The following ARFIP1 variants were observed in gnomAD, a reference collection of about 807,000 sequenced individuals.
ARFIP1 encodes arfaptin-1.
In ARFIP1, 24 loss-of-function variants were observed where a neutral mutation model predicts 42.5. The ratio of observed to expected loss-of-function variants is 0.57; its 90% confidence interval spans 0.41 to 0.80. ARFIP1 has a LOEUF of 0.80. ARFIP1 is among the 30% of genes least tolerant of loss of function. The pLI is 0.00. For synonymous variants in ARFIP1, 141 were observed against 153.7 expected, an observed-to-expected ratio of 0.92 and a Z score of 0.61; for missense variants, 354 against 434.0, an observed-to-expected ratio of 0.82 and a Z score of 1.64.
intron 1 of ARFIP1, among the ~76,000 whole-genome samples, chr4:152,798,402 T>C (rs1407300788): frequency 6.6e-6 from 1 of 152,216 alleles, no homozygotes. Flanking sequence ...GTTGAGAAAT[T>C]ACGTCCTAAT....
At chr4:152,811,909 A>G (rs1729498604) in intron 1 of ARFIP1, among the ~76,000 whole-genome samples, 1 of 152,110 alleles carries the variant, frequency 6.6e-6, no homozygotes, top group African/African-American at 2.4e-5. Flanking sequence ...TTAGTAAATG[A>G]TGTTCCCCCA....
intron 1 of ARFIP1, among the ~76,000 whole-genome samples, chr4:152,815,929 A>G (rs1729847434): frequency 6.6e-6 from 1 of 151,694 alleles, no homozygotes; most frequent in Non-Finnish European, 1.5e-5. Context: ...TATTTTTAGT[A>G]GAGACGGGGT....
intron 8 of ARFIP1, among the ~76,000 whole-genome samples, chr4:152,904,272 C>G (rs1738113583): frequency 6.6e-6 from 1 of 150,492 alleles, no homozygotes; most frequent in African/African-American, 2.4e-5. Flanking sequence ...CTCACTGCAA[C>G]CCTCCGCCTC....
chr4:152,853,791 A>C (rs1294144127), intron 2 of ARFIP1, among the ~76,000 whole-genome samples: 1 of 151,634 alleles, frequency 6.6e-6, no homozygotes, highest in Non-Finnish European at 1.5e-5. Context: ...GATAATATGA[A>C]TATTTGGTCA....
At chr4:152,889,536 C>T (rs55678169) in intron 8 of ARFIP1, among the ~76,000 whole-genome samples, 27,264 of 46,140 alleles carry the variant, frequency 0.59, 6,785 homozygotes, top group Middle Eastern at 0.71. Context: ...TATATATATA[C>T]ACCTATTTTT....
intron 2 of ARFIP1, among the ~76,000 whole-genome samples, chr4:152,834,555 G>A (rs1036695087): frequency 1.3e-5 from 2 of 152,206 alleles, no homozygotes; most frequent in African/African-American, 4.8e-5. Context: ...AAACCCAGCA[G>A]GGAAATCATT....
In ARFIP1 at chr4:152,820,350, T is replaced by G. The variant is rs551365671; in HGVS notation, c.-9-9275T>G. On this transcript the variant is annotated intron_variant, in intron 1 of 8. Coordinates refer to ENST00000353617, the MANE Select transcript of ARFIP1 (RefSeq NM_001025595.3). Reference sequence around the variant, plus strand: ...AAAAAATTTAGAAAGTGCACACTACTGGGGAACAATAAGCTTCATGAGACC... The same window carrying G: ...AAAAAATTTAGAAAGTGCACACTACGGGGGAACAATAAGCTTCATGAGACC... Among the ~76,000 whole-genome samples the G allele has an allele frequency of 5.0e-3, 765 of 152,308 alleles. 9 individuals carry two copies. Among genetic ancestry groups the G allele is most frequent in the South Asian group, 0.018 (86 of 4,824 alleles).
chr4:152,791,793 ATAT>A (rs1481641808), intron 1 of ARFIP1, among the ~76,000 whole-genome samples: 1 of 152,188 alleles, frequency 6.6e-6, no homozygotes, highest in African/African-American at 2.4e-5. Context: ...ATATAATGTG[ATAT>A]TATTCAACAG....
At chr4:152,816,334 G>T (rs1729885403) in intron 1 of ARFIP1, among the ~76,000 whole-genome samples, 1 of 152,132 alleles carries the variant, frequency 6.6e-6, no homozygotes, top group Admixed American at 6.6e-5. Context: ...CCATCTCTCT[G>T]CCATTTCCTC....
At chr4:152,855,711 C>A (rs540824985) in intron 2 of ARFIP1, among the ~76,000 whole-genome samples, 1 of 152,184 alleles carries the variant, frequency 6.6e-6, no homozygotes, top group East Asian at 1.9e-4. Context: ...GGGGCAGTGC[C>A]ATCACACAAT....
intron 3 of ARFIP1, among the ~76,000 whole-genome samples, chr4:152,865,011 A>G (rs571394306): frequency 6.6e-6 from 1 of 150,678 alleles, no homozygotes; most frequent in African/African-American, 2.4e-5. Flanking sequence ...GTAAAGTAGT[A>G]GCTACAGTTT....
At chr4:152,890,125 G>A (rs943628024) in intron 8 of ARFIP1, among the ~76,000 whole-genome samples, 2 of 151,674 alleles carry the variant, frequency 1.3e-5, no homozygotes, top group Admixed American at 6.6e-5. Flanking sequence ...GAATATACGT[G>A]TTTGATAGAA....
Position 152,881,466 on chromosome 4 carries a change from G to T in ARFIP1, c.633+282G>T, listed in dbSNP as rs188240582. Reference sequence around the variant, plus strand: ...TTTTACTCCTTAATCAATATCAAGGGTTACTGTTGTAATATGTTCTGTTAA... The same window carrying T: ...TTTTACTCCTTAATCAATATCAAGGTTTACTGTTGTAATATGTTCTGTTAA... On this transcript the variant is annotated intron_variant, in intron 6 of 8. Transcript: ENST00000353617. 4.6e-3 allele frequency among the ~76,000 whole-genome samples: 693 copies of T among 152,140 alleles called. 3 individuals carry two copies. Among genetic ancestry groups the T allele is most frequent in the Non-Finnish European group, 8.1e-3 (549 of 67,976 alleles).
chr4:152,839,350 G>C (rs925896142), intron 2 of ARFIP1, among the ~76,000 whole-genome samples: 1 of 152,072 alleles, frequency 6.6e-6, no homozygotes, highest in African/African-American at 2.4e-5. Flanking sequence ...GTGTCAAAAG[G>C]ATTGGTACCA....
chr4:152,864,903 CT>C, intron 3 of ARFIP1, among the ~76,000 whole-genome samples: 1 of 133,670 alleles, frequency 7.5e-6, no homozygotes, highest in African/African-American at 2.8e-5. Context: ...CTTGTGATAA[CT>C]TTTTTAAACT....
chr4:152,854,172 C>T (rs1193095207), intron 2 of ARFIP1, among the ~76,000 whole-genome samples: 1 of 152,092 alleles, frequency 6.6e-6, no homozygotes, highest in East Asian at 1.9e-4. Flanking sequence ...CTCAGCCTCT[C>T]AAAGTGCTGG....
intron 1 of ARFIP1, among the ~76,000 whole-genome samples, chr4:152,804,451 A>T (rs1431020614): frequency 2.8e-5 from 3 of 106,284 alleles, no homozygotes; most frequent in South Asian, 2.6e-4. Context: ...TATTATATAT[A>T]TTATATATAA....
intron 7 of ARFIP1, among the ~76,000 whole-genome samples, chr4:152,885,974 A>G (rs952615880): frequency 1.3e-5 from 2 of 152,002 alleles, no homozygotes; most frequent in Non-Finnish European, 2.9e-5. Flanking sequence ...ACTGGAGCAC[A>G]AAGAGATGAA....
chr4:152,849,034 A>G (rs999210365), intron 2 of ARFIP1, among the ~76,000 whole-genome samples: 5 of 152,258 alleles, frequency 3.3e-5, no homozygotes, highest in African/African-American at 1.2e-4. Context: ...GGATTGTTTA[A>G]CCCATACAAA....
Sources: allele counts gnomAD v4.1 joint callset (sites outside exome capture counted in the v4.1 genomes callset), GRCh38; gene constraint gnomAD v4.1.1; transcripts MANE v1.5; gene names NCBI Gene and HGNC (gene_info 2026-07-23, HGNC 2026-07-21).